The following LDLRAD4 variants were observed in gnomAD, a reference collection of about 807,000 sequenced individuals.
The protein encoded by LDLRAD4 is low density lipoprotein receptor class A domain containing 4.
A neutral mutation model predicts 17.0 loss-of-function variants in LDLRAD4; 5 were observed. The ratio of observed to expected loss-of-function variants is 0.29; its 90% CI spans 0.15 to 0.62. LDLRAD4 has a LOEUF of 0.62. LDLRAD4 is among the 20% of genes least tolerant of loss of function. LDLRAD4 has a pLI of 0.84. For synonymous variants in LDLRAD4, 168 were observed against 171.8 expected (o/e 0.98, Z 0.17); for missense variants, 340 against 424.7 (o/e 0.80, Z 1.75).
rs536890107 is a variant in LDLRAD4 at position 13,537,257 on chromosome 18, A to G, written c.182-83860A>G. On this transcript the variant is annotated intron_variant, in intron 3 of 5. Coordinates refer to ENST00000359446, the Ensembl canonical transcript of LDLRAD4. Reference sequence around the variant, plus strand: ...TACAGAAGGGGGTAGGTGTACTTACATAAACCTAGATGGTATAGCTGACTG... The same window carrying G: ...TACAGAAGGGGGTAGGTGTACTTACGTAAACCTAGATGGTATAGCTGACTG... 2.0e-5 allele frequency among the ~76,000 whole-genome samples: 3 copies of G among 152,324 alleles called. No individual in the cohort carries two copies. The South Asian group carries it at 6.2e-4, about 32-fold the overall frequency.
At chr18:13,578,827 CTT>C (rs1003295658) in intron 3 of LDLRAD4, among the ~76,000 whole-genome samples, 58 of 65,680 alleles carry the variant, frequency 8.8e-4, no homozygotes, top group African/African-American at 1.4e-3. Flanking sequence ...TTGTCCGGGT[CTT>C]TTTTTTTTTT....
Position 13,547,084 on chromosome 18 carries a change from GCT to G in LDLRAD4, c.182-74030_182-74029del, listed in dbSNP as rs1371559294. 1.8e-4 allele frequency among the ~76,000 whole-genome samples: 27 copies of G among 152,322 alleles called. 1 individual carries two copies. The highest frequency in any genetic ancestry group is 6.3e-4 in the African/African-American group (26 of 41,580). ...GTGGGCCCCGATGTTGACAAGTAGA[GCT>G]CTTGTGCCAGTGAGAATTGTGCATC... On this transcript the variant is annotated intron_variant, in intron 3 of 5. Coordinates refer to ENST00000359446, the Ensembl canonical transcript of LDLRAD4.
intron 1 of LDLRAD4, among the ~76,000 whole-genome samples, chr18:13,302,672 C>T (rs9961087): frequency 0.17 from 26,589 of 152,144 alleles, 3,434 homozygotes; most frequent in East Asian, 0.47. Flanking sequence ...GAGGCCAGAA[C>T]GCCTTGCTAG....
chr18:13,484,565 G>A (rs1158914757), intron 3 of LDLRAD4, among the ~76,000 whole-genome samples: 1 of 152,216 alleles, frequency 6.6e-6, no homozygotes, highest in East Asian at 1.9e-4. Flanking sequence ...GGTCATGGCT[G>A]CAGTGAGCCA....
intron 1 of LDLRAD4, among the ~76,000 whole-genome samples, chr18:13,244,268 A>G (rs193059535): frequency 4.4e-4 from 66 of 150,262 alleles, no homozygotes; most frequent in Admixed American, 1.5e-3. Flanking sequence ...TCTTCTATCC[A>G]TCCATCTACC....
At chr18:13,457,312 G>A (rs1264250270) in intron 3 of LDLRAD4, among the ~76,000 whole-genome samples, 1 of 152,240 alleles carries the variant, frequency 6.6e-6, no homozygotes, top group East Asian at 1.9e-4. Context: ...ATGAAGGGCT[G>A]CGTGGGGCAG....
At chr18:13,287,299 A>G (rs906224286) in intron 1 of LDLRAD4, among the ~76,000 whole-genome samples, 4 of 152,220 alleles carry the variant, frequency 2.6e-5, no homozygotes, top group Non-Finnish European at 2.9e-5. Flanking sequence ...GACATTTATT[A>G]TAGTATAATC....
chr18:13,480,596 G>A (rs985172949), intron 3 of LDLRAD4, among the ~76,000 whole-genome samples: 6 of 152,194 alleles, frequency 3.9e-5, no homozygotes, highest in Non-Finnish European at 7.3e-5. Context: ...TCCATCAAGC[G>A]TAATGATGCG....
At chr18:13,272,077 G>C (rs188134591) in intron 1 of LDLRAD4, among the ~76,000 whole-genome samples, 115 of 152,072 alleles carry the variant, frequency 7.6e-4, no homozygotes, top group Non-Finnish European at 1.1e-3. Context: ...TGTATTTTTA[G>C]TAGAGATGGG....
chr18:13,644,384 T>G, intron 5 of LDLRAD4, among the ~76,000 whole-genome samples: 1 of 119,780 alleles, frequency 8.3e-6, no homozygotes, highest in African/African-American at 3.5e-5. Context: ...CTATGCAACA[T>G]GACAAAACCC....
At position 13,365,557 on chromosome 18, in the gene LDLRAD4, C is replaced by T. The variant is rs79012229; in HGVS notation, c.-382-21784C>T. On this transcript the variant is annotated intron_variant, in intron 1 of 5. Coordinates refer to ENST00000359446, the Ensembl canonical transcript of LDLRAD4. The stretch of plus-strand genomic sequence containing the variant: ...CTGTGCATGTGAATCCCCTCCATGA[C>T]GGTGTCCTTTTCTGCCAACACACAG... Among the ~76,000 whole-genome samples, 789 of 152,338 alleles carry T rather than the reference C, an allele frequency of 5.2e-3. 19 individuals carry two copies. In the East Asian group the frequency reaches 0.086, roughly 17 times the overall value.
Position 13,367,524 on chromosome 18 carries a change from G to A in LDLRAD4, c.-382-19817G>A, listed in dbSNP as rs915561547. Among the ~76,000 whole-genome samples, 13 of 152,314 alleles carry A rather than the reference G, an allele frequency of 8.5e-5. No homozygotes were observed. The highest frequency in any genetic ancestry group is 3.4e-3 in the Middle Eastern group (1 of 294). On this transcript the variant is annotated intron_variant, in intron 1 of 5. Transcript: ENST00000359446. The surrounding 1 kb of genome is among the most constrained non-coding windows in gnomAD (Gnocchi z 4.1). ...CACACCAGGCAGCTTCCGTCCAGGC[G>A]GAGAGCCAGGGCCCGGGTGCTGCAG...
rs140425010 is a variant in LDLRAD4, at chr18:13,451,340, G to A, written c.181+12956G>A. ...CTTGTGGCTTGGTGCTGTCCTTGAG[G>A]TAGTGAGTGAGTTCTCACAAGGTCT... On this transcript the variant is annotated intron_variant, in intron 3 of 5. Transcript: ENST00000359446. Among the ~76,000 whole-genome samples, 83 of 152,250 alleles carry A rather than the reference G, an allele frequency of 5.5e-4. 1 individual carries two copies. Among genetic ancestry groups the A allele is most frequent in the Middle Eastern group, 6.8e-3 (2 of 294 alleles).
intron 3 of LDLRAD4, among the ~76,000 whole-genome samples, chr18:13,477,671 T>C (rs1174179442): frequency 3.3e-5 from 5 of 152,130 alleles, no homozygotes; most frequent in Non-Finnish European, 5.9e-5. Flanking sequence ...AAAACTACAG[T>C]TTGGAGAGCA....
intron 3 of LDLRAD4, among the ~76,000 whole-genome samples, chr18:13,537,660 A>G (rs1284564): frequency 6.6e-6 from 1 of 152,192 alleles, no homozygotes; most frequent in African/African-American, 2.4e-5. Flanking sequence ...CCTGCCGTAC[A>G]GTATAGCCTG....
chr18:13,521,278 T>A (rs2093949456), intron 3 of LDLRAD4: 1 of 152,012 alleles, frequency 6.6e-6, no homozygotes, highest in African/African-American at 2.4e-5. Context: ...CCATGAATAT[T>A]TGTTTGCAAA....
intron 1 of LDLRAD4, among the ~76,000 whole-genome samples, chr18:13,224,985 A>G (rs541153697): frequency 6.1e-4 from 93 of 151,614 alleles, no homozygotes; most frequent in Non-Finnish European, 1.0e-3. Flanking sequence ...ACAGGCATGC[A>G]CCACTACACC....
At chr18:13,572,966 C>A (rs1305639909) in intron 3 of LDLRAD4, among the ~76,000 whole-genome samples, 1 of 152,202 alleles carries the variant, frequency 6.6e-6, no homozygotes, top group Non-Finnish European at 1.5e-5. Context: ...GCTCTGCATG[C>A]CTGCTCTGTG....
At chr18:13,352,022 A>G (rs915714931) in intron 1 of LDLRAD4, among the ~76,000 whole-genome samples, 2 of 152,228 alleles carry the variant, frequency 1.3e-5, no homozygotes, top group Non-Finnish European at 2.9e-5. Flanking sequence ...CCACATGATC[A>G]TCTCAATAGA....
Sources: allele counts gnomAD v4.1 joint callset (sites outside exome capture counted in the v4.1 genomes callset), GRCh38; gene constraint gnomAD v4.1.1; non-coding constraint Gnocchi (gnomAD v3.1); transcripts MANE v1.5; gene names NCBI Gene and HGNC (gene_info 2026-07-23, HGNC 2026-07-21).